MARVELD1: variants seen among roughly 807,000 people sequenced by gnomAD.
MARVELD1 encodes the protein MARVEL domain-containing protein 1.
Under a neutral mutation model 11.3 loss-of-function variants are expected in MARVELD1, and 7 were observed. The observed-to-expected ratio is 0.62, with a 90% CI of 0.35 to 1.16. The LOEUF (loss-of-function observed/expected upper bound fraction) is 1.16, where lower values mean the gene tolerates loss of function less well. Among genes scored for constraint, MARVELD1 ranks in the 50% most tolerant of loss-of-function variants. MARVELD1 has a pLI of 0.02. For synonymous variants in MARVELD1, 119 were observed against 121.4 expected, an observed-to-expected ratio of 0.98 and a Z score of 0.13; for missense variants, 216 against 243.8, an observed-to-expected ratio of 0.89 and a Z score of 0.76.
rs2041891695 is a variant in MARVELD1, at chr10:97,713,924, C to T, written c.48C>T (p.Ala16=). Residue 16 remains alanine, a synonymous_variant, in exon 1 of 2, where the codon GCC becomes GCT. Transcript: ENST00000285605. This position sits in a 1 kb window ranked among gnomAD's most constrained non-coding sequence, Gnocchi z 5.7. The part of the protein sequence containing the change: ...PRQPPPQARA[A]RGAVRLQRPF... ...AGCCGCCGCCCCAGGCGCGTGCGGC[C>T]CGCGGCGCGGTGCGCCTGCAGCGGC... 4 of 1,308,706 alleles carry T rather than the reference C, an allele frequency of 3.1e-6. No individual in the cohort carries two copies. Among genetic ancestry groups the T allele is most frequent in the Non-Finnish European group, 3.9e-6 (4 of 1,031,174 alleles). The allele number at this position is 1,308,706 out of a possible 1,614,324, so 81.1% of individuals were successfully genotyped here.
intron 1 of MARVELD1, among the ~76,000 whole-genome samples, 153 bp downstream of exon 1, chr10:97,716,138 C>A (rs919381569): frequency 6.6e-6 from 1 of 152,188 alleles, no homozygotes; most frequent in Non-Finnish European, 1.5e-5. Context: ...TGTGAAAATT[C>A]AACCTTTTTG....
At position 97,714,517 on chromosome 10, in the gene MARVELD1, C is replaced by G; in HGVS notation, c.*119C>G. On this transcript the variant is annotated 3_prime_UTR_variant, in exon 1 of 2. Transcript: ENST00000285605. This position sits in a 1 kb window ranked among gnomAD's most constrained non-coding sequence, Gnocchi z 7.4. ...TGCGCCCTGGCACCCTCTCCCTGCC[C>G]TCCAGCGTTTCCACTGTCGCCCGCG... 1.3e-6 allele frequency: 1 copy of G among 742,770 alleles called. No individual in the cohort carries two copies. The highest frequency in any genetic ancestry group is 2.0e-6 in the Non-Finnish European group (1 of 493,556). The allele number at this position is 742,770 out of a possible 1,614,324, so 46.0% of individuals were successfully genotyped here.
chr10:97,713,951 C>G lies in MARVELD1; in HGVS notation c.75C>G (p.Pro25=). The part of the protein sequence containing the change: ...AARGAVRLQR[P]FLRSPLGVLR... Reference sequence around the variant, plus strand: ...GCGGCGCGGTGCGCCTGCAGCGGCCCTTCCTGCGCAGCCCGCTGGGCGTGT... The same window carrying G: ...GCGGCGCGGTGCGCCTGCAGCGGCCGTTCCTGCGCAGCCCGCTGGGCGTGT... The change falls in exon 1 of 2, where the codon CCC becomes CCG. Residue 25 remains proline (P), a synonymous_variant. Coordinates refer to ENST00000285605, the MANE Select transcript of MARVELD1 (RefSeq NM_031484.4). This position sits in a 1 kb window ranked among gnomAD's most constrained non-coding sequence, Gnocchi z 5.7. The G allele has an allele frequency of 6.7e-7, 1 of 1,497,928 alleles. No individual in the cohort carries two copies. Among genetic ancestry groups the G allele is most frequent in the South Asian group, 1.2e-5 (1 of 80,176 alleles). The allele number at this position is 1,497,928 out of a possible 1,614,324, so 92.8% of individuals were successfully genotyped here.
chr10:97,714,480 G>T lies in MARVELD1; in HGVS notation c.*82G>T, dbSNP rs1589956447. On this transcript the variant is annotated 3_prime_UTR_variant, in exon 1 of 2. Coordinates refer to ENST00000285605, the MANE Select transcript of MARVELD1 (RefSeq NM_031484.4). This position sits in a 1 kb window ranked among gnomAD's most constrained non-coding sequence, Gnocchi z 7.4. ...CTCCTTAATCCCTTCCCCCGCCGCC[G>T]CCCCGCGCGGGTGCGCCCTGGCACC... 2 of 1,125,392 alleles carry T rather than the reference G, an allele frequency of 1.8e-6. No homozygotes were observed. Among genetic ancestry groups the T allele is most frequent in the East Asian group, 2.8e-5 (1 of 35,688 alleles). 69.7% of individuals were successfully genotyped at this position (1,125,392 alleles called of 1,614,324 possible). A position where few individuals can be genotyped will look rare whatever the true frequency, so the allele number is the denominator to read the frequency against.
Position 97,714,827 on chromosome 10 carries a change from C to T in MARVELD1, c.*429C>T, listed in dbSNP as rs2041899978. On this transcript the variant is annotated 3_prime_UTR_variant, in exon 1 of 2. Coordinates refer to ENST00000285605, the MANE Select transcript of MARVELD1 (RefSeq NM_031484.4). This position sits in a 1 kb window ranked among gnomAD's most constrained non-coding sequence, Gnocchi z 7.4. The stretch of plus-strand genomic sequence containing the variant: ...TCTGGCTGCCCCCTTCCCTCCCGCC[C>T]CGTGGTCGGAAGAGCACTCCCTTCC... The T allele has an allele frequency of 6.0e-6, 1 of 167,860 alleles. No homozygotes were observed. Among genetic ancestry groups the T allele is most frequent in the African/African-American group, 2.4e-5 (1 of 41,870 alleles). The allele number at this position is 167,860 out of a possible 1,614,324, so 10.4% of individuals were successfully genotyped here.
At chr10:97,716,678 T>C (rs1361381833) in intron 1 of MARVELD1, among the ~76,000 whole-genome samples, 2 of 152,218 alleles carry the variant, frequency 1.3e-5, no homozygotes, top group Non-Finnish European at 2.9e-5. Context: ...AGAGCACCTA[T>C]GTAGCTCTAT....
chr10:97,716,554 G>T (rs1166657554), intron 1 of MARVELD1, among the ~76,000 whole-genome samples: 8 of 152,088 alleles, frequency 5.3e-5, no homozygotes, highest in Non-Finnish European at 1.0e-4. Flanking sequence ...GCGTGTTTTT[G>T]TGAGCTTGTT....
In MARVELD1 at chr10:97,714,470, C is replaced by T. The variant is rs2041896270; in HGVS notation, c.*72C>T. ...GGAGACCAGCCTCCTTAATCCCTTC[C>T]CCCGCCGCCGCCCCGCGCGGGTGCG... On this transcript the variant is annotated 3_prime_UTR_variant, in exon 1 of 2. Coordinates refer to ENST00000285605, the MANE Select transcript of MARVELD1 (RefSeq NM_031484.4). This position sits in a 1 kb window ranked among gnomAD's most constrained non-coding sequence, Gnocchi z 7.4. The T allele has an allele frequency of 2.5e-6, 3 of 1,181,386 alleles. No individual in the cohort carries two copies. Among genetic ancestry groups the T allele is most frequent in the Admixed American group, 3.1e-5 (1 of 32,554 alleles). 73.2% of individuals were successfully genotyped at this position (1,181,386 alleles called of 1,614,324 possible). A position where few individuals can be genotyped will look rare whatever the true frequency, so the allele number is the denominator to read the frequency against.
rs963858564 is a variant in MARVELD1 at position 97,715,626 on chromosome 10, G to A, written c.*1228G>A. On this transcript the variant is annotated 3_prime_UTR_variant, in exon 1 of 2. Coordinates refer to ENST00000285605, the MANE Select transcript of MARVELD1 (RefSeq NM_031484.4). ...ACCTTAAGATTCCCAGCATCCCTGT[G>A]CTGTCCCGGCTCTCATTCATGCCGA... 6.6e-6 allele frequency: 1 copy of A among 152,264 alleles called. No homozygotes were observed. The highest frequency in any genetic ancestry group is 6.5e-5 in the Admixed American group (1 of 15,278). The allele number at this position is 152,264 out of a possible 1,614,324, so 9.4% of individuals were successfully genotyped here.
chr10:97,714,002 C>T lies in MARVELD1; in HGVS notation c.126C>T (p.Gly42=), dbSNP rs1207767944. The T allele has an allele frequency of 6.5e-7, 1 of 1,535,908 alleles. No homozygotes were observed. Among genetic ancestry groups the T allele is most frequent in the Admixed American group, 2.0e-5 (1 of 50,912 alleles). The change falls in exon 1 of 2, where the codon GGC becomes GGT. Residue 42 remains glycine (G), a synonymous_variant. Coordinates refer to ENST00000285605, the MANE Select transcript of MARVELD1 (RefSeq NM_031484.4). The surrounding 1 kb of genome is among the most constrained non-coding windows in gnomAD (Gnocchi z 7.4). ...GVLRLLQLLA[G]AAFWITIATS... ...TGCGGCTGCTGCAGCTGCTGGCCGG[C>T]GCTGCCTTCTGGATCACTATCGCCA...
rs1206621337 is a variant in MARVELD1 at position 97,717,898 on chromosome 10, G to A, written c.*2292G>A. ...GCCCCCAGAACTTTTGGATACTGGA[G>A]GCAGTTGCATAGGTCTCCCTCTCTG... On this transcript the variant is annotated 3_prime_UTR_variant, in exon 2 of 2. Coordinates refer to ENST00000285605, the MANE Select transcript of MARVELD1 (RefSeq NM_031484.4). 2 of 152,324 alleles carry A rather than the reference G, an allele frequency of 1.3e-5. No homozygotes were observed. The highest frequency in any genetic ancestry group is 4.8e-5 in the African/African-American group (2 of 41,458). 9.4% of individuals were successfully genotyped at this position (152,324 alleles called of 1,614,324 possible). A position where few individuals can be genotyped will look rare whatever the true frequency, so the allele number is the denominator to read the frequency against.
chr10:97,716,480 G>A (rs1483592359), intron 1 of MARVELD1, among the ~76,000 whole-genome samples: 1 of 152,130 alleles, frequency 6.6e-6, no homozygotes, highest in East Asian at 1.9e-4. Flanking sequence ...CACTGTGCCT[G>A]GCCAGGTCTG....
chr10:97,717,794 G>A lies in MARVELD1; in HGVS notation c.*2188G>A, dbSNP rs138161579. The A allele has an allele frequency of 5.1e-3, 777 of 152,494 alleles. 2 individuals carry two copies. Among genetic ancestry groups the A allele is most frequent in the Non-Finnish European group, 7.2e-3 (491 of 68,182 alleles). The allele number at this position is 152,494 out of a possible 1,614,324, so 9.4% of individuals were successfully genotyped here. ...GGCTTGTGCTCACTCTGTCTGCCAG[G>A]TATGAGAAGAACACGTAAGACCGCC... On this transcript the variant is annotated 3_prime_UTR_variant, in exon 2 of 2. Transcript: ENST00000285605.
Position 97,715,411 on chromosome 10 carries a change from TG to T in MARVELD1, c.*1014del, listed in dbSNP as rs1371371629. On this transcript the variant is annotated 3_prime_UTR_variant, in exon 1 of 2. Transcript: ENST00000285605. ...GCGCTGTTTGCATTAAAAGGGTGGG[TG>T]AGTCAGGACCCCTGGCTCAGGAGCC... 1 of 152,146 alleles carries T rather than the reference TG, an allele frequency of 6.6e-6. No homozygotes were observed. The highest frequency in any genetic ancestry group is 1.5e-5 in the Non-Finnish European group (1 of 68,040). The allele number at this position is 152,146 out of a possible 1,614,324, so 9.4% of individuals were successfully genotyped here. A position where few individuals can be genotyped will look rare whatever the true frequency, so the allele number is the denominator to read the frequency against.
chr10:97,717,773 T>G lies in MARVELD1; in HGVS notation c.*2167T>G, dbSNP rs1476161939. 1 of 152,336 alleles carries G rather than the reference T, an allele frequency of 6.6e-6. No homozygotes were observed. Among genetic ancestry groups the G allele is most frequent in the Non-Finnish European group, 1.5e-5 (1 of 68,202 alleles). 9.4% of individuals were successfully genotyped at this position (152,336 alleles called of 1,614,324 possible). ...CCTTCCCGCTTGGCTTCCAGCGGCT[T>G]GTGCTCACTCTGTCTGCCAGGTATG... On this transcript the variant is annotated 3_prime_UTR_variant, in exon 2 of 2. Transcript: ENST00000285605.
Position 97,714,740 on chromosome 10 carries a change from A to G in MARVELD1, c.*342A>G, listed in dbSNP as rs551673767. On this transcript the variant is annotated 3_prime_UTR_variant, in exon 1 of 2. Coordinates refer to ENST00000285605, the MANE Select transcript of MARVELD1 (RefSeq NM_031484.4). This position sits in a 1 kb window ranked among gnomAD's most constrained non-coding sequence, Gnocchi z 7.4. ...GCGGTTCCTCTTCCCTTCCCTGCTG[A>G]GACTAAGACGTGGACAGGGGCCGCG... The G allele has an allele frequency of 1.1e-5, 3 of 268,436 alleles. No individual in the cohort carries two copies. The highest frequency in any genetic ancestry group is 2.1e-5 in the Non-Finnish European group (3 of 143,540). The allele number at this position is 268,436 out of a possible 1,614,324, so 16.6% of individuals were successfully genotyped here.
Position 97,714,051 on chromosome 10 carries a change from C to T in MARVELD1, c.175C>T (p.His59Tyr). Residue 59 changes from histidine (H) to tyrosine (Y), a missense_variant, in exon 1 of 2, where the codon CAC becomes TAC. Coordinates refer to ENST00000285605, the MANE Select transcript of MARVELD1 (RefSeq NM_031484.4). This position sits in a 1 kb window ranked among gnomAD's most constrained non-coding sequence, Gnocchi z 7.4. Reference sequence around the variant, plus strand: ...CACCAGCAAGTACCAGGGCCCCGTGCACTTCGCGCTCTTCGTGTCCGTGCT... The same window carrying T: ...CACCAGCAAGTACCAGGGCCCCGTGTACTTCGCGCTCTTCGTGTCCGTGCT... ...IATSKYQGPVHFALFVSVLFW... is the reference protein window; with the variant it reads ...IATSKYQGPVYFALFVSVLFW... 1 of 1,536,828 alleles carries T rather than the reference C, an allele frequency of 6.5e-7. No homozygotes were observed. The highest frequency in any genetic ancestry group is 1.2e-5 in the South Asian group (1 of 84,062).
Position 97,714,455 on chromosome 10 carries a change from C to G in MARVELD1, c.*57C>G, listed in dbSNP as rs1251180929. 7.8e-6 allele frequency: 10 copies of G among 1,281,656 alleles called. No individual in the cohort carries two copies. Among genetic ancestry groups the G allele is most frequent in the African/African-American group, 3.1e-5 (2 of 64,396 alleles). The allele number at this position is 1,281,656 out of a possible 1,614,324, so 79.4% of individuals were successfully genotyped here. ...GGCGGGGGAATCCCCGGAGACCAGCCTCCTTAATCCCTTCCCCCGCCGCCG... is the reference window on the plus strand; with the variant it reads ...GGCGGGGGAATCCCCGGAGACCAGCGTCCTTAATCCCTTCCCCCGCCGCCG... On this transcript the variant is annotated 3_prime_UTR_variant, in exon 1 of 2. Coordinates refer to ENST00000285605, the MANE Select transcript of MARVELD1 (RefSeq NM_031484.4). The surrounding 1 kb of genome is among the most constrained non-coding windows in gnomAD (Gnocchi z 7.4).
rs1212036932 is a variant in MARVELD1 at position 97,713,845 on chromosome 10, C to A, written c.-32C>A. The stretch of plus-strand genomic sequence containing the variant: ...GGCGCCGCCATTCCGCTGCTCGGGG[C>A]GCCGCCGCCGCCGCCACCGCGCCCA... On this transcript the variant is annotated 5_prime_UTR_variant, in exon 1 of 2. Coordinates refer to ENST00000285605, the MANE Select transcript of MARVELD1 (RefSeq NM_031484.4). The surrounding 1 kb of genome is among the most constrained non-coding windows in gnomAD (Gnocchi z 5.7). 9.6e-6 allele frequency: 4 copies of A among 418,642 alleles called. No homozygotes were observed. Among genetic ancestry groups the A allele is most frequent in the Non-Finnish European group, 1.3e-5 (4 of 314,614 alleles). 25.9% of individuals were successfully genotyped at this position (418,642 alleles called of 1,614,324 possible).
Sources: gnomAD v4.1 joint callset for allele counts (sites outside exome capture counted in the v4.1 genomes callset) on GRCh38, gnomAD v4.1.1 for gene constraint, Gnocchi (gnomAD v3.1) non-coding constraint, MANE v1.5 for transcripts, NCBI Gene and HGNC (gene_info 2026-07-23, HGNC 2026-07-21) for gene names.